The following SETD5 variants were observed in gnomAD, a reference collection of about 807,000 sequenced individuals.
The protein encoded by SETD5 is histone-lysine N-methyltransferase SETD5.
In SETD5, 44 loss-of-function variants were observed where a neutral mutation model predicts 153.3. That is an observed-to-expected ratio of 0.29 (90% CI 0.23 to 0.37). The LOEUF (loss-of-function observed/expected upper bound fraction) is 0.37. Ranked by LOEUF, SETD5 falls within the 10% of genes least tolerant of loss-of-function variation. SETD5 has a pLI of 1.00. For missense variants in SETD5, 1,544 were observed against 1,768.0 expected (o/e 0.87, Z 2.27); for synonymous variants, 716 against 645.2 (o/e 1.11, Z -1.66).
intron 17 of SETD5, 88 bp from the exon 18 acceptor site, chr3:9,464,337 C>T: frequency 3.3e-6 from 5 of 1,514,382 alleles, no homozygotes; most frequent in Non-Finnish European, 4.5e-6. Context: ...AGTTAAGAGC[C>T]ATTGTAGATT....
chr3:9,413,501 T>C (rs754334816), intron 1 of SETD5, among the ~76,000 whole-genome samples: 1 of 152,156 alleles, frequency 6.6e-6, no homozygotes, highest in Non-Finnish European at 1.5e-5. Flanking sequence ...GTAGTTTTGA[T>C]CTTTTTTCTC....
rs2045819825 is a variant in SETD5 at position 9,475,991 on chromosome 3, A to G, written c.4229A>G (p.Asn1410Ser). 4.3e-6 allele frequency: 7 copies of G among 1,613,876 alleles called. No homozygotes were observed. The highest frequency in any genetic ancestry group is 2.2e-5 in the South Asian group (2 of 91,086). ...GCCTCCAGGGTATCTGCGGTTTCCA[A>G]TTCACAGCACTACCCACACCGTGGG... is the stretch of plus-strand genomic sequence containing the variant. ...YQASRVSAVS[N>S]SQHYPHRGSG... The change falls in exon 23 of 23, where the codon AAT (asparagine) becomes AGT (serine). Residue 1410 changes from asparagine (N) to serine (S), a missense_variant. Around this residue, in one of 9 missense-constraint regions of SETD5, gnomAD observed 302 missense variants for 277.6 expected, o/e 1.09. Transcript: ENST00000402198.
intron 12 of SETD5, 75 bp downstream of exon 12, chr3:9,445,375 G>GT (rs1356169476): frequency 4.7e-6 from 7 of 1,492,986 alleles, no homozygotes; most frequent in Non-Finnish European, 5.5e-6. Flanking sequence ...TTGCCGCATG[G>GT]TTTAAGTAGG....
chr3:9,447,861 G>A lies in SETD5; in HGVS notation c.1958G>A (p.Ser653Asn). 1 of 1,614,002 alleles carries A rather than the reference G, an allele frequency of 6.2e-7. No homozygotes were observed. The highest frequency in any genetic ancestry group is 8.5e-7 in the Non-Finnish European group (1 of 1,179,894). ...LSQAALEEGG[S>N]NSLVTPTEAG... Reference sequence around the variant, plus strand: ...CAAGCTGCCTTGGAAGAGGGAGGAAGTAACAGTTTAGTAACTCCTACTGAA... The same window carrying A: ...CAAGCTGCCTTGGAAGAGGGAGGAAATAACAGTTTAGTAACTCCTACTGAA... Residue 653 changes from serine to asparagine, a missense_variant, in exon 15 of 23, where the codon AGT (serine) becomes AAT (asparagine). By Grantham distance (46) the Ser-to-Asn change is conservative. Transcript: ENST00000402198.
intron 16 of SETD5, among the ~76,000 whole-genome samples, chr3:9,448,921 G>A (rs1050189764): frequency 3.3e-5 from 5 of 152,206 alleles, no homozygotes; most frequent in Admixed American, 1.3e-4. Flanking sequence ...AGCAGTGGAT[G>A]ACTGGGTAGA....
At chr3:9,433,477 G>GTATTAAGA in intron 3 of SETD5, 1 of 1,290,378 alleles carries the variant, frequency 7.7e-7, no homozygotes, top group Non-Finnish European at 1.0e-6. Flanking sequence ...TTTCATGGAA[G>GTATTAAGA]TATTAAGAGA....
chr3:9,425,051 G>GTTT (rs1559380190), intron 2 of SETD5, among the ~76,000 whole-genome samples: 4 of 91,408 alleles, frequency 4.4e-5, no homozygotes, highest in Admixed American at 1.1e-4. Context: ...TACCGACAAT[G>GTTT]TTTCTTTTTT....
intron 13 of SETD5, among the ~76,000 whole-genome samples, chr3:9,446,304 A>AC (rs2041998962): frequency 7.1e-6 from 1 of 141,756 alleles, no homozygotes; most frequent in Non-Finnish European, 1.5e-5. Flanking sequence ...AAAAAAAAAA[A>AC]AAAATCTGGT....
chr3:9,445,965 G>T (rs79268362), intron 13 of SETD5, among the ~76,000 whole-genome samples: 4,531 of 86,220 alleles, frequency 0.053, 321 homozygotes, highest in African/African-American at 0.1. Flanking sequence ...TGAAGAGGTT[G>T]TTTTTTTTTT....
At chr3:9,402,153 CTG>C (rs564773247) in intron 1 of SETD5, among the ~76,000 whole-genome samples, 5 of 152,142 alleles carry the variant, frequency 3.3e-5, no homozygotes, top group Admixed American at 6.5e-5. Context: ...CTTAGGAAAA[CTG>C]TTTTATTGTA....
intron 17 of SETD5, among the ~76,000 whole-genome samples, chr3:9,454,622 C>CAAAAAAAAAAAAAAAAAAA (rs67028533): frequency 3.4e-5 from 2 of 58,034 alleles, no homozygotes; most frequent in Non-Finnish European, 6.3e-5. Context: ...AACTCCGTCT[C>CAAAAAAAAAAAAAAAAAAA]AAAAAAAAAA....
intron 3 of SETD5, 39 bp downstream of exon 3, chr3:9,429,048 CTG>C (rs1346235776): frequency 3.4e-6 from 5 of 1,471,488 alleles, no homozygotes; most frequent in East Asian, 2.3e-5. Flanking sequence ...CATTATCAGT[CTG>C]TGTGGAGACA....
chr3:9,457,977 A>G (rs567718958), intron 17 of SETD5, among the ~76,000 whole-genome samples: 1 of 152,298 alleles, frequency 6.6e-6, no homozygotes, highest in Admixed American at 6.5e-5. Context: ...GAGGTGTAAG[A>G]CGAGCTTCTA....
chr3:9,441,871 G>A (rs2041335419), intron 9 of SETD5, 130 bp downstream of exon 9: 3 of 1,133,928 alleles, frequency 2.6e-6, no homozygotes, highest in Non-Finnish European at 3.9e-6. Context: ...GCTCACACCT[G>A]TCTGCTATTT....
intron 1 of SETD5, among the ~76,000 whole-genome samples, chr3:9,421,172 C>T (rs2038338095): frequency 6.6e-6 from 1 of 151,992 alleles, no homozygotes; most frequent in African/African-American, 2.4e-5. Flanking sequence ...AGCAGGAAGA[C>T]AACACAATGA....
intron 1 of SETD5, among the ~76,000 whole-genome samples, chr3:9,404,379 G>A (rs1391870354): frequency 6.6e-6 from 1 of 152,162 alleles, no homozygotes; most frequent in African/African-American, 2.4e-5. Context: ...GGTCTTGGCA[G>A]TAATGATATA....
intron 1 of SETD5, among the ~76,000 whole-genome samples, chr3:9,407,594 T>A (rs1200106935): frequency 6.6e-6 from 1 of 152,238 alleles, no homozygotes; most frequent in Non-Finnish European, 1.5e-5. Flanking sequence ...ACAATTTTTT[T>A]TATAGTACAC....
intron 1 of SETD5, among the ~76,000 whole-genome samples, chr3:9,403,361 G>A (rs1250010926): frequency 6.6e-6 from 1 of 152,130 alleles, no homozygotes; most frequent in Non-Finnish European, 1.5e-5. Flanking sequence ...TTCTAGAGCT[G>A]AATTCTCATT....
chr3:9,434,262 A>G lies in SETD5; in HGVS notation c.178-72A>G. On this transcript the variant is annotated intron_variant, in intron 4 of 22. Coordinates refer to ENST00000402198, the MANE Select transcript of SETD5 (RefSeq NM_001080517.3). This position sits in a 1 kb window ranked among gnomAD's most constrained non-coding sequence, Gnocchi z 5.6. The stretch of plus-strand genomic sequence containing the variant: ...AGTGTTTGGACACTGTTGATTTAAA[A>G]AATCTTATTTTCAGGATCATAATTA... 1 of 1,598,334 alleles carries G rather than the reference A, an allele frequency of 6.3e-7. No homozygotes were observed. Among genetic ancestry groups the G allele is most frequent in the Non-Finnish European group, 8.6e-7 (1 of 1,167,610 alleles).
Sources: allele counts gnomAD v4.1 joint callset (sites outside exome capture counted in the v4.1 genomes callset), GRCh38; gene constraint gnomAD v4.1.1; regional missense constraint gnomAD v4.1.1; non-coding constraint Gnocchi (gnomAD v3.1); transcripts MANE v1.5; gene names NCBI Gene and HGNC (gene_info 2026-07-23, HGNC 2026-07-21).